Variants in PRKAR2A observed in about 807,000 individuals in gnomAD.
PRKAR2A encodes the protein cAMP-dependent protein kinase type II-alpha regulatory subunit.
In PRKAR2A, 29 loss-of-function variants were observed where a neutral mutation model predicts 51.9. That is an observed-to-expected ratio of 0.56 (90% CI 0.42 to 0.76). The LOEUF is 0.76. PRKAR2A is among the 30% of genes least tolerant of loss of function. The pLI is 0.00. For missense variants in PRKAR2A, 445 were observed against 512.1 expected (o/e 0.87, Z 1.26); for synonymous variants, 178 against 186.2 (o/e 0.96, Z 0.36).
chr3:48,768,916 T>C (rs1407052441), intron 6 of PRKAR2A, among the ~76,000 whole-genome samples: 1 of 151,862 alleles, frequency 6.6e-6, no homozygotes, highest in African/African-American at 2.4e-5. Context: ...CTAGCCAACA[T>C]GGTGAATTCC....
rs1553680913 is a variant in PRKAR2A, at chr3:48,829,590, A to ATACACACATAAATATATATGTGTG, written c.262+17744_262+17745insCACACATATATATTTATGTGTGTA. Among the ~76,000 whole-genome samples, 44 of 35,644 alleles carry ATACACACATAAATATATATGTGTG rather than the reference A, an allele frequency of 1.2e-3. 1 individual carries two copies. Among genetic ancestry groups the ATACACACATAAATATATATGTGTG allele is most frequent in the Non-Finnish European group, 1.7e-3 (30 of 17,312 alleles). The allele number at this position is 35,644 out of a possible 152,430, so 23.4% of individuals were successfully genotyped here. A position where few individuals can be genotyped will look rare whatever the true frequency, so the allele number is the denominator to read the frequency against. On this transcript the variant is annotated intron_variant, in intron 1 of 10. Coordinates refer to ENST00000265563, the MANE Select transcript of PRKAR2A (RefSeq NM_004157.4). ...CACACATAAATATATATGTGTGTAT[A>ATACACACATAAATATATATGTGTG]TATACACACACATAAATGTGTGTGT...
At chr3:48,836,825 A>AG (rs889411189) in intron 1 of PRKAR2A, among the ~76,000 whole-genome samples, 4 of 151,908 alleles carry the variant, frequency 2.6e-5, no homozygotes, top group Non-Finnish European at 5.9e-5. Flanking sequence ...AAAAAAAAAA[A>AG]AAAAATTTTG....
At chr3:48,786,490 A>C (rs2107299299) in intron 4 of PRKAR2A, among the ~76,000 whole-genome samples, 1 of 149,442 alleles carries the variant, frequency 6.7e-6, no homozygotes, top group East Asian at 2.0e-4. Flanking sequence ...TCTTCCTCTC[A>C]GGTACTTTAC....
chr3:48,795,236 GTGC>G (rs2082471789), intron 2 of PRKAR2A, among the ~76,000 whole-genome samples: 1 of 152,098 alleles, frequency 6.6e-6, no homozygotes, highest in African/African-American at 2.4e-5. Flanking sequence ...GCCTCCCAAA[GTGC>G]TGGGATTACA....
chr3:48,782,610 C>T (rs2082217709), intron 5 of PRKAR2A, among the ~76,000 whole-genome samples: 1 of 152,116 alleles, frequency 6.6e-6, no homozygotes, highest in African/African-American at 2.4e-5. Flanking sequence ...CATGCACTGC[C>T]ACATCCGGCT....
At position 48,847,090 on chromosome 3, in the gene PRKAR2A, T is replaced by G. The variant is rs543331520; in HGVS notation, c.262+245A>C. Among the ~76,000 whole-genome samples, 5 of 152,352 alleles carry G rather than the reference T, an allele frequency of 3.3e-5. No individual in the cohort carries two copies. In the East Asian group the frequency reaches 5.8e-4, roughly 18 times the overall value. ...CAGGGCCGACAGCGCGCACGTTTCC[T>G]TCAAGGCTGGATCTGACAAATCACT... On this transcript the variant is annotated intron_variant, in intron 1 of 10. Coordinates refer to ENST00000265563, the MANE Select transcript of PRKAR2A (RefSeq NM_004157.4). The surrounding 1 kb of genome is among the most constrained non-coding windows in gnomAD (Gnocchi z 4.4).
chr3:48,782,956 G>C, intron 5 of PRKAR2A, 30 bp downstream of exon 5: 1 of 1,428,476 alleles, frequency 7.0e-7, no homozygotes, highest in South Asian at 1.1e-5. Context: ...ATTAAGTGTG[G>C]CCACACAATT....
At chr3:48,765,989 G>C (rs1034619566) in intron 6 of PRKAR2A, among the ~76,000 whole-genome samples, 5 of 152,094 alleles carry the variant, frequency 3.3e-5, no homozygotes, top group African/African-American at 4.8e-5. Flanking sequence ...GGGAGGCTAA[G>C]GTGGGCAAAT....
At chr3:48,824,570 AAAGAAAGAAAGAAAGAAAGAAAG>A (rs1488544941) in intron 1 of PRKAR2A, among the ~76,000 whole-genome samples, 1 of 145,686 alleles carries the variant, frequency 6.9e-6, no homozygotes, top group Non-Finnish European at 1.5e-5. Flanking sequence ...AGAAAGAAAG[AAAGAAAGAAAGAAAGAAAGAAAG>A]AAAGAAAGAA....
intron 1 of PRKAR2A, among the ~76,000 whole-genome samples, chr3:48,838,333 G>A (rs1479621458): frequency 4.0e-5 from 6 of 151,746 alleles, no homozygotes; most frequent in African/African-American, 9.7e-5. Flanking sequence ...GTGACCGGGC[G>A]CAGTGGCTCA....
intron 5 of PRKAR2A, among the ~76,000 whole-genome samples, chr3:48,780,656 T>TA (rs1197313041): frequency 6.8e-6 from 1 of 146,062 alleles, no homozygotes; most frequent in East Asian, 2.0e-4. Flanking sequence ...TTGTCACAGG[T>TA]AGCAAGAACC....
chr3:48,792,518 G>C (rs553648590), intron 3 of PRKAR2A, among the ~76,000 whole-genome samples: 2 of 132,154 alleles, frequency 1.5e-5, no homozygotes, highest in African/African-American at 5.7e-5. Flanking sequence ...CTGGAGTGCA[G>C]TGGCGTGATC....
intron 9 of PRKAR2A, among the ~76,000 whole-genome samples, chr3:48,754,103 T>C (rs150556164): frequency 6.6e-6 from 1 of 151,902 alleles, no homozygotes; most frequent in Middle Eastern, 3.4e-3. Context: ...GGTTTAACCA[T>C]GTTAGCCAGG....
intron 1 of PRKAR2A, among the ~76,000 whole-genome samples, chr3:48,814,667 A>T (rs1242328587): frequency 6.6e-6 from 1 of 152,200 alleles, no homozygotes; most frequent in African/African-American, 2.4e-5. Flanking sequence ...CATGCACCAG[A>T]GTAGAAAATC....
At chr3:48,794,172 A>C (rs2082450479) in intron 2 of PRKAR2A, 123 bp from the exon 3 acceptor site, 1 of 741,180 alleles carries the variant, frequency 1.3e-6, no homozygotes, top group Admixed American at 3.0e-5. Flanking sequence ...TTTTTTTGAG[A>C]CAGAGTTTTG....
intron 2 of PRKAR2A, among the ~76,000 whole-genome samples, chr3:48,801,186 C>T (rs573799940): frequency 1.3e-5 from 2 of 152,180 alleles, no homozygotes; most frequent in South Asian, 2.1e-4. Flanking sequence ...GAATTTCGCT[C>T]TTGTTGCCTA....
At chr3:48,799,797 G>C (rs1410818265) in intron 2 of PRKAR2A, among the ~76,000 whole-genome samples, 1 of 152,146 alleles carries the variant, frequency 6.6e-6, no homozygotes, top group Non-Finnish European at 1.5e-5. Flanking sequence ...TGATTAATGT[G>C]CTTTGATGTT....
At position 48,751,382 on chromosome 3, in the gene PRKAR2A, A is replaced by T; in HGVS notation, c.*203T>A. On this transcript the variant is annotated 3_prime_UTR_variant, in exon 11 of 11. Coordinates refer to ENST00000265563, the MANE Select transcript of PRKAR2A (RefSeq NM_004157.4). ...CAAGTGGTCTAATGAATGGGCCTTCAGAAGCAAAGTGGAGGTGTGGGTTGA... is the reference window on the plus strand; with the variant it reads ...CAAGTGGTCTAATGAATGGGCCTTCTGAAGCAAAGTGGAGGTGTGGGTTGA... 1.3e-6 allele frequency: 1 copy of T among 753,102 alleles called. No homozygotes were observed. The highest frequency in any genetic ancestry group is 2.3e-6 in the Non-Finnish European group (1 of 434,288). 46.7% of individuals were successfully genotyped at this position (753,102 alleles called of 1,614,324 possible).
In PRKAR2A at chr3:48,847,257, G is replaced by A. The variant is rs1397915597; in HGVS notation, c.262+78C>T. ...CCTGCGGTCGGCTTGGCTGCGGCGC[G>A]ACACCTGGCTCCCTGCCACCCCTCT... On this transcript the variant is annotated intron_variant, in intron 1 of 10. Transcript: ENST00000265563. This position sits in a 1 kb window ranked among gnomAD's most constrained non-coding sequence, Gnocchi z 4.4. 5 of 1,512,640 alleles carry A rather than the reference G, an allele frequency of 3.3e-6. No individual in the cohort carries two copies. The highest frequency in any genetic ancestry group is 5.0e-5 in the East Asian group (2 of 39,714). 93.7% of individuals were successfully genotyped at this position (1,512,640 alleles called of 1,614,324 possible). A position where few individuals can be genotyped will look rare whatever the true frequency, so the allele number is the denominator to read the frequency against.
Sources: allele counts gnomAD v4.1 joint callset (sites outside exome capture counted in the v4.1 genomes callset), GRCh38; gene constraint gnomAD v4.1.1; non-coding constraint Gnocchi (gnomAD v3.1); transcripts MANE v1.5; gene names NCBI Gene and HGNC (gene_info 2026-07-23, HGNC 2026-07-21).